The following SPAG16 variants were observed in gnomAD, a reference collection of about 807,000 sequenced individuals.
The protein encoded by SPAG16 is sperm-associated antigen 16 protein.
SPAG16 carries 86 observed loss-of-function variants against 80.4 expected under a neutral mutation model. The observed-to-expected ratio is 1.07, with a 90% CI of 0.90 to 1.28. The LOEUF (loss-of-function observed/expected upper bound fraction) is 1.28, where lower values mean the gene tolerates loss of function less well. Among genes scored for constraint, SPAG16 ranks in the 50% most tolerant of loss-of-function variants. The pLI is 0.00. For synonymous variants in SPAG16, 294 were observed against 265.9 expected (o/e 1.11, Z -1.03); for missense variants, 870 against 765.3 (o/e 1.14, Z -1.61).
chr2:214,061,317 G>C lies in SPAG16; in HGVS notation c.1528-46879G>C, dbSNP rs73075055. Among the ~76,000 whole-genome samples the C allele has an allele frequency of 6.5e-3, 985 of 152,270 alleles. 7 individuals are homozygous for C. The highest frequency in any genetic ancestry group is 0.023 in the African/African-American group (949 of 41,542). On this transcript the variant is annotated intron_variant, in intron 13 of 15. Coordinates refer to ENST00000331683, the MANE Select transcript of SPAG16 (RefSeq NM_024532.5). ...AGATTGGAAAAACTCATAATCCACA[G>C]GGCACTAGGTTAGTACTCAGGAAAG... is the stretch of plus-strand genomic sequence containing the variant.
intron 11 of SPAG16, among the ~76,000 whole-genome samples, chr2:213,921,511 G>A (rs2078222949): frequency 6.6e-6 from 1 of 152,110 alleles, no homozygotes. Context: ...TATTTTAATT[G>A]GGGGATTAAG....
intron 13 of SPAG16, among the ~76,000 whole-genome samples, chr2:214,064,113 T>C (rs2050416790): frequency 6.6e-6 from 1 of 152,146 alleles, no homozygotes; most frequent in African/African-American, 2.4e-5. Context: ...TGTGGAAACA[T>C]ATATCCTTTT....
intron 13 of SPAG16, among the ~76,000 whole-genome samples, chr2:214,051,460 A>G (rs745651396): frequency 6.6e-6 from 1 of 152,204 alleles, no homozygotes; most frequent in African/African-American, 2.4e-5. Context: ...GCAAAGTTGT[A>G]TTAATCTCAT....
chr2:213,364,783 A>T (rs1424569418), intron 8 of SPAG16: 2 of 152,198 alleles, frequency 1.3e-5, no homozygotes, highest in Non-Finnish European at 2.9e-5. Flanking sequence ...TACAAGAGAG[A>T]TACAATTATA....
intron 9 of SPAG16, among the ~76,000 whole-genome samples, chr2:213,480,903 A>G (rs2073716063): frequency 6.6e-6 from 1 of 152,248 alleles, no homozygotes; most frequent in Non-Finnish European, 1.5e-5. Flanking sequence ...TGAATAACTT[A>G]GAAATAATAT....
chr2:213,800,252 T>C, intron 10 of SPAG16, among the ~76,000 whole-genome samples: 1 of 152,154 alleles, frequency 6.6e-6, no homozygotes, highest in East Asian at 1.9e-4. Flanking sequence ...ATCATGCTTC[T>C]GCCATATTTC....
intron 12 of SPAG16, among the ~76,000 whole-genome samples, chr2:213,936,818 T>G (rs562883302): frequency 3.1e-4 from 47 of 152,290 alleles, no homozygotes; most frequent in African/African-American, 1.0e-3. Flanking sequence ...ACATTTCCAT[T>G]AAAGAAAATG....
chr2:213,313,577 G>A (rs1047580052), intron 4 of SPAG16, among the ~76,000 whole-genome samples: 2 of 151,770 alleles, frequency 1.3e-5, no homozygotes, highest in Non-Finnish European at 2.9e-5. Context: ...TGATCTTAAA[G>A]ACCAGTCTCC....
chr2:214,142,006 T>C (rs2055388118), intron 14 of SPAG16, among the ~76,000 whole-genome samples: 1 of 152,186 alleles, frequency 6.6e-6, no homozygotes, highest in Non-Finnish European at 1.5e-5. Context: ...TTTGGAATGC[T>C]TATAAAACAT....
chr2:213,346,592 G>A (rs192823940), intron 6 of SPAG16, among the ~76,000 whole-genome samples: 1 of 152,076 alleles, frequency 6.6e-6, no homozygotes, highest in Non-Finnish European at 1.5e-5. Context: ...TTAGCATGAA[G>A]GTTGTTCAAT....
chr2:214,248,334 ATTG>A (rs1275601863), intron 15 of SPAG16, among the ~76,000 whole-genome samples: 5 of 130,546 alleles, frequency 3.8e-5, no homozygotes, highest in South Asian at 2.4e-4. Context: ...TATTATTATT[ATTG>A]AGACAGAGTC....
intron 13 of SPAG16, among the ~76,000 whole-genome samples, chr2:214,072,182 C>G (rs995465938): frequency 6.6e-6 from 1 of 151,790 alleles, no homozygotes; most frequent in African/African-American, 2.4e-5. Flanking sequence ...AAATTTGCAC[C>G]TGTTATATGA....
chr2:214,047,840 TA>T (rs141467412), intron 13 of SPAG16, among the ~76,000 whole-genome samples: 190 of 152,140 alleles, frequency 1.2e-3, no homozygotes, highest in Non-Finnish European at 2.3e-3. Flanking sequence ...AACAACTCTA[TA>T]AAAAATTCTA....
chr2:213,564,313 G>A (rs1575991318), intron 10 of SPAG16, among the ~76,000 whole-genome samples: 2 of 152,102 alleles, frequency 1.3e-5, no homozygotes, highest in Admixed American at 1.3e-4. Flanking sequence ...TAGCCAACAT[G>A]GTGACACCCC....
intron 10 of SPAG16, among the ~76,000 whole-genome samples, chr2:213,500,661 A>G (rs994710246): frequency 6.6e-6 from 1 of 152,236 alleles, no homozygotes; most frequent in Non-Finnish European, 1.5e-5. Context: ...CTATGGGCCT[A>G]GAAGAAAAGG....
chr2:213,623,666 A>T (rs1489107791), intron 10 of SPAG16, among the ~76,000 whole-genome samples: 1 of 152,164 alleles, frequency 6.6e-6, no homozygotes, highest in African/African-American at 2.4e-5. Flanking sequence ...CCAGTAATAA[A>T]TATTTAACCT....
At chr2:214,285,694 T>A (rs1693304905) in intron 15 of SPAG16, among the ~76,000 whole-genome samples, 1 of 151,986 alleles carries the variant, frequency 6.6e-6, no homozygotes, top group Admixed American at 6.6e-5. Flanking sequence ...TTCCAGCTAC[T>A]CAGGAGGCTG....
chr2:214,325,366 A>G (rs548494049), intron 15 of SPAG16, among the ~76,000 whole-genome samples: 1 of 152,300 alleles, frequency 6.6e-6, no homozygotes, highest in Non-Finnish European at 1.5e-5. Context: ...CAAGGAACAA[A>G]ACTGTTTTCT....
chr2:214,361,913 T>C lies in SPAG16; in HGVS notation c.1721-48227T>C, dbSNP rs192127701. Among the ~76,000 whole-genome samples, 4 of 152,026 alleles carry C rather than the reference T, an allele frequency of 2.6e-5. No homozygotes were observed. The East Asian group carries it at 7.7e-4, about 29-fold the overall frequency. On this transcript the variant is annotated intron_variant, in intron 15 of 15. Transcript: ENST00000331683. ...TTCTTAAATTGTTTTATTGTTGATA[T>C]CTTATCTGCAGCTAGGGTGAATGTT...
Sources: allele counts gnomAD v4.1 joint callset (sites outside exome capture counted in the v4.1 genomes callset), GRCh38; gene constraint gnomAD v4.1.1; transcripts MANE v1.5; gene names NCBI Gene and HGNC (gene_info 2026-07-23, HGNC 2026-07-21).